The following CADM2 variants were observed in gnomAD, a reference collection of about 807,000 sequenced individuals.
CADM2 encodes immunoglobulin superfamily member 4D.
A neutral mutation model predicts 49.8 loss-of-function variants in CADM2; 12 were observed. The observed-to-expected ratio is 0.24, with a 90% CI of 0.15 to 0.39. The LOEUF is 0.39. CADM2 is among the 10% of genes least tolerant of loss of function. The pLI, the probability that CADM2 is intolerant of heterozygous loss-of-function variation, is 1.00. For synonymous variants in CADM2, 214 were observed against 175.4 expected (o/e 1.22, Z -1.74); for missense variants, 378 against 492.3 (o/e 0.77, Z 2.20).
chr3:85,088,600 G>A (rs553930578), intron 1 of CADM2, among the ~76,000 whole-genome samples: 2 of 152,080 alleles, frequency 1.3e-5, no homozygotes, highest in East Asian at 3.9e-4. Flanking sequence ...ACAACTGCAA[G>A]CAGGTCTTTA....
chr3:85,306,743 A>G (rs190608289), intron 1 of CADM2, among the ~76,000 whole-genome samples: 4 of 151,906 alleles, frequency 2.6e-5, no homozygotes, highest in Admixed American at 2.6e-4. Flanking sequence ...GTCTAATTCC[A>G]CAAAGACATT....
At chr3:85,927,289 G>A (rs1577684368) in intron 6 of CADM2, among the ~76,000 whole-genome samples, 2 of 152,180 alleles carry the variant, frequency 1.3e-5, no homozygotes, top group South Asian at 2.1e-4. Flanking sequence ...GTTATTCTAG[G>A]ACATGAGGAT....
rs1161813773 is a variant in CADM2 at position 85,366,615 on chromosome 3, G to T, written c.62-359907G>T. On this transcript the variant is annotated intron_variant, in intron 1 of 9. Transcript: ENST00000383699. The stretch of plus-strand genomic sequence containing the variant: ...ATATTGCATAAATAAGACTCTAAGT[G>T]CTTGTATAATAATTAACATGAACAA... Among the ~76,000 whole-genome samples the T allele has an allele frequency of 5.3e-5, 8 of 152,156 alleles. 1 individual carries two copies. In the South Asian group the frequency reaches 8.3e-4, roughly 16 times the overall value.
chr3:85,694,562 G>T (rs1036930819), intron 1 of CADM2, among the ~76,000 whole-genome samples: 4 of 152,142 alleles, frequency 2.6e-5, no homozygotes, highest in African/African-American at 9.7e-5. Flanking sequence ...CTGATACAGT[G>T]TATATATTTT....
At chr3:85,367,508 G>C (rs1353891940) in intron 1 of CADM2, among the ~76,000 whole-genome samples, 1 of 151,510 alleles carries the variant, frequency 6.6e-6, no homozygotes, top group Non-Finnish European at 1.5e-5. Context: ...GTGACCATGT[G>C]TATTTCCCAT....
intron 1 of CADM2, among the ~76,000 whole-genome samples, chr3:85,436,575 A>G (rs539706214): frequency 1.4e-4 from 22 of 152,258 alleles, no homozygotes; most frequent in Non-Finnish European, 2.6e-4. Context: ...TATTATTTTG[A>G]TATAGTTTTC....
intron 2 of CADM2, among the ~76,000 whole-genome samples, chr3:85,781,389 T>G (rs1195323733): frequency 6.6e-6 from 1 of 152,186 alleles, no homozygotes; most frequent in Admixed American, 6.5e-5. Context: ...AGGTTCTATA[T>G]TCTACTTTCT....
chr3:85,660,793 G>A (rs2107608901), intron 1 of CADM2, among the ~76,000 whole-genome samples: 1 of 151,944 alleles, frequency 6.6e-6, no homozygotes, highest in African/African-American at 2.4e-5. Context: ...CACAGAATAA[G>A]CTCAGATATT....
intron 1 of CADM2, among the ~76,000 whole-genome samples, chr3:85,155,202 G>A (rs371323459): frequency 1.9e-4 from 29 of 149,806 alleles, no homozygotes; most frequent in African/African-American, 6.5e-4. Context: ...CCCATCTCAC[G>A]TGCAGAGACA....
At chr3:85,572,046 T>C (rs1030238227) in intron 1 of CADM2, among the ~76,000 whole-genome samples, 6 of 152,174 alleles carry the variant, frequency 3.9e-5, no homozygotes, top group African/African-American at 1.2e-4. Flanking sequence ...CCTGTAATCC[T>C]AGCAGTTTAG....
intron 1 of CADM2, among the ~76,000 whole-genome samples, chr3:85,455,138 G>C (rs1322577877): frequency 6.6e-6 from 1 of 152,108 alleles, no homozygotes; most frequent in Admixed American, 6.6e-5. Context: ...AAAGGAATTT[G>C]TTCAAGAGGA....
chr3:85,197,365 A>G (rs2041368340), intron 1 of CADM2, among the ~76,000 whole-genome samples: 1 of 151,906 alleles, frequency 6.6e-6, no homozygotes, highest in Non-Finnish European at 1.5e-5. Flanking sequence ...ATGTATTAGA[A>G]ATTTTATACA....
chr3:85,513,981 C>T (rs1348497649), intron 1 of CADM2, among the ~76,000 whole-genome samples: 1 of 152,006 alleles, frequency 6.6e-6, no homozygotes, highest in East Asian at 1.9e-4. Flanking sequence ...TGTCTTTGCT[C>T]AAACAAATGT....
chr3:85,481,799 G>T (rs2039223812), intron 1 of CADM2, among the ~76,000 whole-genome samples: 1 of 149,946 alleles, frequency 6.7e-6, no homozygotes, highest in Non-Finnish European at 1.5e-5. Flanking sequence ...ATATTCAAAA[G>T]AACTTCATTC....
intron 1 of CADM2, among the ~76,000 whole-genome samples, chr3:85,113,218 T>G (rs2038523219): frequency 6.6e-6 from 1 of 152,124 alleles, no homozygotes; most frequent in African/African-American, 2.4e-5. Context: ...CTCATTTTAC[T>G]GAATGCAGAG....
At chr3:85,624,958 G>GATGTGGGTTCAA (rs1457390139) in intron 1 of CADM2, among the ~76,000 whole-genome samples, 1 of 152,042 alleles carries the variant, frequency 6.6e-6, no homozygotes. Context: ...ATGAGAGATA[G>GATGTGGGTTCAA]ATGTGGGTTC....
chr3:85,947,235 A>G (rs1332027570), intron 7 of CADM2, among the ~76,000 whole-genome samples: 1 of 151,902 alleles, frequency 6.6e-6, no homozygotes, highest in Non-Finnish European at 1.5e-5. Flanking sequence ...GCAAATCAAG[A>G]GTATGTCTTT....
At chr3:85,877,042 A>G (rs1376819319) in intron 3 of CADM2, among the ~76,000 whole-genome samples, 3 of 152,132 alleles carry the variant, frequency 2.0e-5, no homozygotes, top group Non-Finnish European at 4.4e-5. Context: ...AGTTTTACTC[A>G]TTGGTCATAT....
At chr3:85,461,504 T>C (rs1308454555) in intron 1 of CADM2, among the ~76,000 whole-genome samples, 2 of 152,198 alleles carry the variant, frequency 1.3e-5, no homozygotes, top group African/African-American at 4.8e-5. Context: ...AAACCATATA[T>C]GTTATGTTTC....
Sources: allele counts gnomAD v4.1 joint callset (sites outside exome capture counted in the v4.1 genomes callset), GRCh38; gene constraint gnomAD v4.1.1; transcripts MANE v1.5; gene names NCBI Gene and HGNC (gene_info 2026-07-23, HGNC 2026-07-21).